Variants in TMEM236 observed in about 807,000 individuals in gnomAD.
TMEM236 encodes family with sequence similarity 23, member A.
Under a neutral mutation model 14.7 loss-of-function variants are expected in TMEM236, and 11 were observed. The ratio of observed to expected loss-of-function variants is 0.75; its 90% CI spans 0.47 to 1.24. The LOEUF is 1.24. Ranked by LOEUF, TMEM236 falls within the 50% of genes most tolerant of loss-of-function variation. The pLI is 0.00. For missense variants in TMEM236, 464 were observed against 427.3 expected, an observed-to-expected ratio of 1.09 and a Z score of -0.76; for synonymous variants, 182 against 168.6, an observed-to-expected ratio of 1.08 and a Z score of -0.62.
intron 1 of TMEM236, among the ~76,000 whole-genome samples, chr10:17,770,262 T>C (rs1448361945): frequency 6.6e-6 from 1 of 152,224 alleles, no homozygotes; most frequent in Non-Finnish European, 1.5e-5. Flanking sequence ...TAACATAATA[T>C]ATATTAACGA....
rs1055021340 is a variant in TMEM236 at position 17,797,544 on chromosome 10, C to T, written c.*1040C>T. 7 of 152,174 alleles carry T rather than the reference C, an allele frequency of 4.6e-5. No individual in the cohort carries two copies. The highest frequency in any genetic ancestry group is 1.9e-4 in the East Asian group (1 of 5,192). The allele number at this position is 152,174 out of a possible 1,614,324, so 9.4% of individuals were successfully genotyped here. ...CTGACCTCAGGTGATCTGCCCACCT[C>T]GGCCTTCCAAAGTGCTGGGATTACA... On this transcript the variant is annotated 3_prime_UTR_variant, in exon 4 of 4. Transcript: ENST00000377495.
chr10:17,752,613 C>A, intron 1 of TMEM236, 61 bp downstream of exon 1: 1 of 1,554,188 alleles, frequency 6.4e-7, no homozygotes, highest in Non-Finnish European at 8.9e-7. Flanking sequence ...GTCACCCAGG[C>A]TGGAGTGCAG....
rs1380914493 is a variant in TMEM236 at position 17,762,013 on chromosome 10, T to C, written c.258-9296T>C. Among the ~76,000 whole-genome samples the C allele has an allele frequency of 2.0e-5, 3 of 152,176 alleles. No homozygotes were observed. The East Asian group carries it at 5.8e-4, about 29-fold the overall frequency. On this transcript the variant is annotated intron_variant, in intron 1 of 3. Coordinates refer to ENST00000377495, the MANE Select transcript of TMEM236 (RefSeq NM_001098844.3). ...ACCTCCTCTGCCCTTTCTTTCTCCATGGCCAGGAGCTGTCACATTACTGCC... is the reference window on the plus strand; with the variant it reads ...ACCTCCTCTGCCCTTTCTTTCTCCACGGCCAGGAGCTGTCACATTACTGCC...
intron 2 of TMEM236, 93 bp from the exon 3 acceptor site, chr10:17,775,936 T>C (rs2131753086): frequency 1.4e-6 from 2 of 1,472,016 alleles, no homozygotes; most frequent in South Asian, 2.3e-5. Context: ...AATGTAATTA[T>C]AATTAATTTA....
In TMEM236 at chr10:17,771,318, TCTG is replaced by T. The variant is rs782071296; in HGVS notation, c.268_270del (p.Leu90del). 6.2e-7 allele frequency: 1 copy of T among 1,613,950 alleles called. No individual in the cohort carries two copies. ...TTTTCTCCTTTGCTAGGAGACCTGTTCTGATGATGTGTGTGGTCCTCACCACAC... is the reference window on the plus strand; with the variant it reads ...TTTTCTCCTTTGCTAGGAGACCTGTTATGATGTGTGTGGTCCTCACCACAC... On this transcript the variant is annotated inframe_deletion, in exon 2 of 4. Transcript: ENST00000377495.
rs1838018776 is a variant in TMEM236, at chr10:17,796,561, CCTT to C, written c.*61_*63del. On this transcript the variant is annotated 3_prime_UTR_variant, in exon 4 of 4. Transcript: ENST00000377495. ...TGATACCTGTGTGCACATTTGTAAT[CCTT>C]CTTTTTTTCTTGGGGCGTAGGTGTT... The C allele has an allele frequency of 8.3e-6, 12 of 1,452,890 alleles. No homozygotes were observed. In the South Asian group the frequency reaches 9.2e-5, roughly 11 times the overall value. The allele number at this position is 1,452,890 out of a possible 1,614,324, so 90.0% of individuals were successfully genotyped here.
chr10:17,771,351 C>G lies in TMEM236; in HGVS notation c.300C>G (p.Pro100=), dbSNP rs918214467. The G allele has an allele frequency of 6.2e-7, 1 of 1,613,958 alleles. No individual in the cohort carries two copies. Among genetic ancestry groups the G allele is most frequent in the Non-Finnish European group, 8.5e-7 (1 of 1,179,846 alleles). Residue 100 remains proline, a synonymous_variant, in exon 2 of 4, where the codon CCC becomes CCG. Transcript: ENST00000377495. The part of the protein sequence containing the change: ...LMMCVVLTTL[P]CLTFSIAVTE... ...TGTGTGTGGTCCTCACCACACTGCCCTGCCTCACCTTTTCCATAGCAGTGA... is the reference window on the plus strand; with the variant it reads ...TGTGTGTGGTCCTCACCACACTGCCGTGCCTCACCTTTTCCATAGCAGTGA...
intron 3 of TMEM236, among the ~76,000 whole-genome samples, chr10:17,781,420 C>A (rs1174298631): frequency 2.0e-5 from 3 of 152,012 alleles, no homozygotes; most frequent in Admixed American, 2.0e-4. Context: ...CAGAAACCTA[C>A]AATGTTACTT....
intron 3 of TMEM236, among the ~76,000 whole-genome samples, chr10:17,788,929 G>T (rs1837878773): frequency 2.0e-5 from 3 of 152,270 alleles, no homozygotes; most frequent in African/African-American, 7.2e-5. Flanking sequence ...ACACAGTTTT[G>T]AGCACAGGCA....
intron 1 of TMEM236, among the ~76,000 whole-genome samples, chr10:17,754,816 A>G (rs1322061984): frequency 2.0e-5 from 3 of 152,204 alleles, no homozygotes; most frequent in Admixed American, 6.5e-5. Flanking sequence ...AGTCTCTGAT[A>G]TTAATGTATT....
intron 1 of TMEM236, among the ~76,000 whole-genome samples, chr10:17,753,914 G>A (rs1180991930): frequency 2.6e-5 from 4 of 152,216 alleles, no homozygotes; most frequent in Admixed American, 6.5e-5. Flanking sequence ...CTGTGGGTAA[G>A]GATGTGAGCA....
chr10:17,796,637 C>G lies in TMEM236; in HGVS notation c.*133C>G. 2.7e-6 allele frequency: 2 copies of G among 749,886 alleles called. No homozygotes were observed. Among genetic ancestry groups the G allele is most frequent in the South Asian group, 3.6e-5 (2 of 56,094 alleles). The allele number at this position is 749,886 out of a possible 1,614,324, so 46.5% of individuals were successfully genotyped here. On this transcript the variant is annotated 3_prime_UTR_variant, in exon 4 of 4. Coordinates refer to ENST00000377495, the MANE Select transcript of TMEM236 (RefSeq NM_001098844.3). Reference sequence around the variant, plus strand: ...GATTGTAGAGAATAAGCCATTTTTACTAACTCTAGCATATCAGTTTTTTTT... The same window carrying G: ...GATTGTAGAGAATAAGCCATTTTTAGTAACTCTAGCATATCAGTTTTTTTT...
At chr10:17,776,242 C>T in intron 3 of TMEM236, 72 bp downstream of exon 3, 1 of 1,406,232 alleles carries the variant, frequency 7.1e-7, no homozygotes, top group Non-Finnish European at 1.0e-6. Context: ...ACTGTGTTAT[C>T]TGACAACATG....
intron 1 of TMEM236, among the ~76,000 whole-genome samples, chr10:17,768,424 T>A (rs1453079891): frequency 2.6e-5 from 4 of 152,154 alleles, no homozygotes; most frequent in Non-Finnish European, 5.9e-5. Context: ...AGGTAATTTT[T>A]AAAATTTGGA....
chr10:17,752,490 C>T lies in TMEM236; in HGVS notation c.195C>T (p.Ile65=). 3 of 1,613,970 alleles carry T rather than the reference C, an allele frequency of 1.9e-6. No individual in the cohort carries two copies. The highest frequency in any genetic ancestry group is 2.2e-5 in the East Asian group (1 of 44,878). ...IAYVALVTLL[I]WVPVKVILHK... Reference sequence around the variant, plus strand: ...ATGTTGCGTTAGTGACTCTACTGATCTGGGTTCCTGTAAAAGTTATCCTGC... The same window carrying T: ...ATGTTGCGTTAGTGACTCTACTGATTTGGGTTCCTGTAAAAGTTATCCTGC... The change falls in exon 1 of 4, where the codon ATC becomes ATT. Residue 65 remains isoleucine (I), a synonymous_variant. Coordinates refer to ENST00000377495, the MANE Select transcript of TMEM236 (RefSeq NM_001098844.3).
chr10:17,796,403 C>T lies in TMEM236; in HGVS notation c.955C>T (p.Leu319=). 2.5e-6 allele frequency: 4 copies of T among 1,613,854 alleles called. No homozygotes were observed. Among genetic ancestry groups the T allele is most frequent in the Non-Finnish European group, 3.4e-6 (4 of 1,179,824 alleles). The change falls in exon 4 of 4, where the codon CTG becomes TTG. Residue 319 remains leucine (L), a synonymous_variant. Coordinates refer to ENST00000377495, the MANE Select transcript of TMEM236 (RefSeq NM_001098844.3). ...IIALGTITPV[L]GLCKNILVTL... ...TGCCCTGGGGACTATCACACCCGTA[C>T]TGGGCCTGTGTAAAAATATCCTCGT...
intron 3 of TMEM236, among the ~76,000 whole-genome samples, chr10:17,789,762 C>A (rs1470739425): frequency 6.6e-6 from 1 of 152,052 alleles, no homozygotes; most frequent in East Asian, 1.9e-4. Context: ...GTGGCTCACG[C>A]CTGTAATCGC....
At chr10:17,781,728 A>T (rs1427689780) in intron 3 of TMEM236, among the ~76,000 whole-genome samples, 1 of 142,154 alleles carries the variant, frequency 7.0e-6, no homozygotes, top group East Asian at 2.1e-4. Context: ...CCTGGGTGAT[A>T]GAACATACCT....
At chr10:17,768,550 G>A (rs1427829559) in intron 1 of TMEM236, among the ~76,000 whole-genome samples, 3 of 151,968 alleles carry the variant, frequency 2.0e-5, no homozygotes, top group East Asian at 1.9e-4. Context: ...AAGTTTCATC[G>A]CACAAAAATG....
Sources: allele counts gnomAD v4.1 joint callset (sites outside exome capture counted in the v4.1 genomes callset), GRCh38; gene constraint gnomAD v4.1.1; transcripts MANE v1.5; gene names NCBI Gene and HGNC (gene_info 2026-07-23, HGNC 2026-07-21).